Variants in EDIL3 observed in about 807,000 individuals in gnomAD.
EDIL3 encodes the protein EGF like and discoidin domains 3.
A neutral mutation model predicts 67.4 loss-of-function variants in EDIL3; 37 were observed. That is an observed-to-expected ratio of 0.55 (90% CI 0.42 to 0.72). EDIL3 has a LOEUF of 0.72. Among genes scored for constraint, EDIL3 ranks in the 30% least tolerant of loss-of-function variants. The pLI is 0.00. For missense variants in EDIL3, 527 were observed against 586.3 expected (o/e 0.90, Z 1.04); for synonymous variants, 195 against 196.3 (o/e 0.99, Z 0.05).
intron 9 of EDIL3, among the ~76,000 whole-genome samples, chr5:84,027,647 A>G (rs1382665840): frequency 1.0e-5 from 1 of 98,132 alleles, no homozygotes; most frequent in Non-Finnish European, 2.2e-5. Flanking sequence ...TTGAAGGGGA[A>G]TCTGAGCATG....
chr5:84,380,558 C>G (rs1748054818), intron 1 of EDIL3, among the ~76,000 whole-genome samples: 1 of 152,040 alleles, frequency 6.6e-6, no homozygotes, highest in Non-Finnish European at 1.5e-5. Context: ...TAATCTTACT[C>G]AAAGCTATTG....
At chr5:84,123,922 T>C (rs1317849864) in intron 5 of EDIL3, among the ~76,000 whole-genome samples, 1 of 151,986 alleles carries the variant, frequency 6.6e-6, no homozygotes, top group African/African-American at 2.4e-5. Context: ...TTTTTTCTTT[T>C]ATAAAATTCA....
At chr5:84,207,862 G>T (rs1008691824) in intron 3 of EDIL3, among the ~76,000 whole-genome samples, 44 of 151,956 alleles carry the variant, frequency 2.9e-4, no homozygotes, top group African/African-American at 9.9e-4. Context: ...AGCTGAAACT[G>T]GATCCCTTCC....
intron 5 of EDIL3, among the ~76,000 whole-genome samples, chr5:84,108,798 G>T (rs1410738474): frequency 6.6e-6 from 1 of 152,128 alleles, no homozygotes; most frequent in Admixed American, 6.5e-5. Context: ...AACAGGCAGG[G>T]AGATCTTTTA....
At position 84,182,219 on chromosome 5, in the gene EDIL3, G is replaced by C. The variant is rs552592051; in HGVS notation, c.227-1698C>G. On this transcript the variant is annotated intron_variant, in intron 3 of 10. Transcript: ENST00000296591. The stretch of plus-strand genomic sequence containing the variant: ...AGGCGGGCAGATTGCTTGAGCCCAG[G>C]AGTTCGAGACAAGCCTGGGCAACAT... Among the ~76,000 whole-genome samples, 7 of 151,820 alleles carry C rather than the reference G, an allele frequency of 4.6e-5. No homozygotes were observed. In the South Asian group the frequency reaches 1.0e-3, roughly 23 times the overall value.
intron 5 of EDIL3, among the ~76,000 whole-genome samples, chr5:84,131,045 A>G (rs1368771606): frequency 6.6e-6 from 1 of 152,190 alleles, no homozygotes; most frequent in Admixed American, 6.6e-5. Flanking sequence ...TTGTTTGCAT[A>G]AATAATAAAA....
intron 1 of EDIL3, among the ~76,000 whole-genome samples, chr5:84,275,274 C>T (rs996950973): frequency 2.0e-5 from 3 of 152,194 alleles, no homozygotes; most frequent in Non-Finnish European, 2.9e-5. Context: ...CATACTATTT[C>T]TCCTATCTGC....
rs936193765 is a variant in EDIL3 at position 84,140,558 on chromosome 5, G to A, written c.356-3204C>T. Among the ~76,000 whole-genome samples, 14 of 152,042 alleles carry A rather than the reference G, an allele frequency of 9.2e-5. No homozygotes were observed. The East Asian group carries it at 9.7e-4, about 11-fold the overall frequency. On this transcript the variant is annotated intron_variant, in intron 4 of 10. Coordinates refer to ENST00000296591, the MANE Select transcript of EDIL3 (RefSeq NM_005711.5). ...AAGCAAGTTATAATTAAGGACATCC[G>A]ATTCTAAAAAATCAACAGTTAACAC...
intron 4 of EDIL3, among the ~76,000 whole-genome samples, chr5:84,145,687 G>A (rs2112324954): frequency 6.6e-6 from 1 of 152,180 alleles, no homozygotes; most frequent in African/African-American, 2.4e-5. Flanking sequence ...TAAATACTTA[G>A]CTTGGTTCGA....
In EDIL3 at chr5:84,199,977, T is replaced by C. The variant is rs189145015; in HGVS notation, c.227-19456A>G. ...GACTGAGGAAAAGAAGCCCTTCCCA[T>C]GTCTATGGGTTTTTTAAATTTTCTA... On this transcript the variant is annotated intron_variant, in intron 3 of 10. Coordinates refer to ENST00000296591, the MANE Select transcript of EDIL3 (RefSeq NM_005711.5). Among the ~76,000 whole-genome samples, 125 of 152,176 alleles carry C rather than the reference T, an allele frequency of 8.2e-4. 1 individual carries two copies. In the East Asian group the frequency reaches 0.022, roughly 26 times the overall value.
chr5:84,171,528 A>G (rs1448889589), intron 4 of EDIL3, among the ~76,000 whole-genome samples: 2 of 152,196 alleles, frequency 1.3e-5, no homozygotes, highest in African/African-American at 4.8e-5. Flanking sequence ...TTTTAAGAGC[A>G]GTAAGCTAAT....
At chr5:84,014,957 A>G (rs1745575173) in intron 9 of EDIL3, among the ~76,000 whole-genome samples, 1 of 152,186 alleles carries the variant, frequency 6.6e-6, no homozygotes. Context: ...AAACAAAAGA[A>G]GGTTGGACAG....
intron 9 of EDIL3, among the ~76,000 whole-genome samples, chr5:84,054,023 C>A (rs1186365268): frequency 2.6e-5 from 4 of 152,092 alleles, no homozygotes; most frequent in Non-Finnish European, 5.9e-5. Context: ...AATTTTAGAC[C>A]AATATCCCTG....
chr5:84,077,084 A>G (rs1463640414), intron 6 of EDIL3, among the ~76,000 whole-genome samples: 1 of 152,162 alleles, frequency 6.6e-6, no homozygotes. Context: ...TGAATTGGAT[A>G]CTCTCTTTTT....
intron 3 of EDIL3, among the ~76,000 whole-genome samples, chr5:84,184,678 T>C (rs1215788058): frequency 3.3e-5 from 5 of 152,078 alleles, no homozygotes; most frequent in African/African-American, 1.2e-4. Flanking sequence ...AAGAATCCAA[T>C]GGGTTCAGGA....
intron 1 of EDIL3, among the ~76,000 whole-genome samples, chr5:84,340,534 C>CTCTCTCTATA (rs1432966515): frequency 1.1e-3 from 59 of 54,190 alleles, no homozygotes; most frequent in East Asian, 2.1e-3. Context: ...CTCTCTCTCT[C>CTCTCTCTATA]TATATATATA....
At chr5:84,135,226 TTATGA>T (rs1748066539) in intron 5 of EDIL3, among the ~76,000 whole-genome samples, 1 of 152,156 alleles carries the variant, frequency 6.6e-6, no homozygotes, top group African/African-American at 2.4e-5. Context: ...GGCAGGGTTC[TTATGA>T]TATGTCCCCC....
At chr5:84,283,219 T>C (rs114366990) in intron 1 of EDIL3, among the ~76,000 whole-genome samples, 534 of 152,236 alleles carry the variant, frequency 3.5e-3, no homozygotes, top group African/African-American at 0.011. Flanking sequence ...CCATCCCATA[T>C]TGGTATTTAA....
At chr5:84,023,684 T>C (rs953579542) in intron 9 of EDIL3, among the ~76,000 whole-genome samples, 10 of 152,036 alleles carry the variant, frequency 6.6e-5, no homozygotes, top group African/African-American at 2.4e-4. Context: ...GCATTGAAAT[T>C]TGAAGCTGAA....
Sources: allele counts gnomAD v4.1 joint callset (sites outside exome capture counted in the v4.1 genomes callset), GRCh38; gene constraint gnomAD v4.1.1; transcripts MANE v1.5; gene names NCBI Gene and HGNC (gene_info 2026-07-23, HGNC 2026-07-21).